Variants in PTPRN2 observed in about 807,000 individuals in gnomAD.
PTPRN2 encodes the protein receptor-type tyrosine-protein phosphatase N2.
Under a neutral mutation model 118.8 loss-of-function variants are expected in PTPRN2, and 74 were observed. The observed-to-expected ratio is 0.62, with a 90% CI of 0.52 to 0.76. The LOEUF (loss-of-function observed/expected upper bound fraction) is 0.76. Among genes scored for constraint, PTPRN2 ranks in the 30% least tolerant of loss-of-function variants. The probability of loss-of-function intolerance (pLI) is 0.00; values close to 1 mark genes in which losing one functional copy is unlikely to be tolerated. For missense variants in PTPRN2, 1,481 were observed against 1,394.4 expected (o/e 1.06, Z -0.99); for synonymous variants, 641 against 608.0 (o/e 1.05, Z -0.80).
chr7:158,406,869 C>G (rs13308587), intron 2 of PTPRN2, among the ~76,000 whole-genome samples: 148,356 of 152,336 alleles, frequency 0.97, 72,271 homozygotes, highest in East Asian at 1. Context: ...TCCAGGATCA[C>G]AGCAGGCACT....
chr7:158,576,056 T>A (rs576568493), intron 1 of PTPRN2, among the ~76,000 whole-genome samples: 60 of 152,272 alleles, frequency 3.9e-4, no homozygotes, highest in Admixed American at 3.5e-3. Context: ...GTTTGCAACA[T>A]CCCCATTCCA....
intron 1 of PTPRN2, among the ~76,000 whole-genome samples, chr7:158,585,948 G>T (rs1271763293): frequency 1.3e-5 from 2 of 152,196 alleles, no homozygotes; most frequent in African/African-American, 2.4e-5. Flanking sequence ...TGCACAGCTG[G>T]GCCTTCTTTC....
chr7:157,699,683 C>A (rs1797974343), intron 12 of PTPRN2, among the ~76,000 whole-genome samples: 1 of 152,200 alleles, frequency 6.6e-6, no homozygotes, highest in Non-Finnish European at 1.5e-5. Flanking sequence ...CCACCTTGAG[C>A]CTCCCAAAGT....
At chr7:157,798,616 C>A (rs1047846158) in intron 12 of PTPRN2, among the ~76,000 whole-genome samples, 5 of 152,194 alleles carry the variant, frequency 3.3e-5, no homozygotes, top group African/African-American at 1.2e-4. Context: ...AGGTTATTTT[C>A]TTCTCCTAAT....
At chr7:157,663,242 G>A (rs988412778) in intron 13 of PTPRN2, among the ~76,000 whole-genome samples, 5 of 152,128 alleles carry the variant, frequency 3.3e-5, no homozygotes, top group Non-Finnish European at 7.4e-5. Context: ...GGAGGTCACT[G>A]AGCAAGGGCT....
intron 3 of PTPRN2, among the ~76,000 whole-genome samples, chr7:158,251,642 CATGTG>C (rs1563040215): frequency 1.0e-5 from 1 of 97,058 alleles, no homozygotes; most frequent in Non-Finnish European, 2.0e-5. Context: ...CTATGGTGCA[CATGTG>C]GTGTGCACAG....
At chr7:158,424,306 G>A (rs555826167) in intron 2 of PTPRN2, among the ~76,000 whole-genome samples, 2 of 152,298 alleles carry the variant, frequency 1.3e-5, no homozygotes, top group African/African-American at 4.8e-5. Flanking sequence ...GCAAGGCGTC[G>A]TATCGATTCC....
At chr7:157,658,654 C>T (rs909908099) in intron 13 of PTPRN2, among the ~76,000 whole-genome samples, 4 of 152,216 alleles carry the variant, frequency 2.6e-5, no homozygotes, top group African/African-American at 9.6e-5. Context: ...GCCCCCCTGA[C>T]GTCTGACCAA....
intron 11 of PTPRN2, among the ~76,000 whole-genome samples, chr7:157,902,451 C>T (rs1299762179): frequency 1.4e-5 from 2 of 144,544 alleles, no homozygotes; most frequent in African/African-American, 5.2e-5. Flanking sequence ...GGACCAGCCC[C>T]GCGGTGGCCT....
chr7:158,380,114 C>T (rs1810854375), intron 2 of PTPRN2, among the ~76,000 whole-genome samples: 1 of 152,164 alleles, frequency 6.6e-6, no homozygotes, highest in Admixed American at 6.5e-5. Flanking sequence ...AGTGGGGACA[C>T]AGCCAAACCA....
intron 2 of PTPRN2, among the ~76,000 whole-genome samples, chr7:158,337,442 C>CCG (rs1805864586): frequency 1.4e-5 from 2 of 140,790 alleles, no homozygotes; most frequent in African/African-American, 2.7e-5. Context: ...GAGGTGACAC[C>CCG]CACAGACGTC....
At chr7:157,884,567 C>G (rs1002390105) in intron 12 of PTPRN2, among the ~76,000 whole-genome samples, 4 of 152,092 alleles carry the variant, frequency 2.6e-5, no homozygotes, top group Admixed American at 6.6e-5. Context: ...GGAGACTGGG[C>G]AATTTATGAA....
chr7:158,538,031 C>A (rs997425320), intron 1 of PTPRN2, among the ~76,000 whole-genome samples: 7 of 152,206 alleles, frequency 4.6e-5, no homozygotes, highest in African/African-American at 1.4e-4. Flanking sequence ...CTCATTTCTT[C>A]TAGATTTGGA....
intron 5 of PTPRN2, among the ~76,000 whole-genome samples, 187 bp from the exon 6 acceptor site, chr7:158,167,478 ACT>A (rs150570340): frequency 0.14 from 21,172 of 151,722 alleles, 1,890 homozygotes; most frequent in East Asian, 0.35. Context: ...CCAAAACAGG[ACT>A]CTCATTTTCA....
At position 157,974,042 on chromosome 7, in the gene PTPRN2, C is replaced by T. The variant is rs147585528; in HGVS notation, c.1724-75305G>A. On this transcript the variant is annotated intron_variant, in intron 11 of 22. Transcript: ENST00000389418. The surrounding 1 kb of genome is among the most constrained non-coding windows in gnomAD (Gnocchi z 4.0). ...AGATCTCTCTGACCACTGCTGTTGA[C>T]GTTGGCGGGGTAGCAGGTGTGGCCA... Among the ~76,000 whole-genome samples the T allele has an allele frequency of 2.5e-3, 378 of 152,328 alleles. 4 individuals carry two copies. Among genetic ancestry groups the T allele is most frequent in the African/African-American group, 8.4e-3 (350 of 41,572 alleles).
rs1212921675 is a variant in PTPRN2, at chr7:157,813,996, G to T, written c.1788+84677C>A. The stretch of plus-strand genomic sequence containing the variant: ...AGGAGTTTGCTCCTTAGAGTGAGGG[G>T]GATTGTTCTGCCCCAATGGCCTCTT... On this transcript the variant is annotated intron_variant, in intron 12 of 22. Transcript: ENST00000389418. The surrounding 1 kb of genome is among the most constrained non-coding windows in gnomAD (Gnocchi z 4.7). Among the ~76,000 whole-genome samples the T allele has an allele frequency of 1.3e-5, 2 of 152,224 alleles. No individual in the cohort carries two copies. Among genetic ancestry groups the T allele is most frequent in the Admixed American group, 1.3e-4 (2 of 15,290 alleles).
chr7:157,952,876 T>G (rs1800922230), intron 11 of PTPRN2, among the ~76,000 whole-genome samples: 1 of 152,126 alleles, frequency 6.6e-6, no homozygotes, highest in Admixed American at 6.5e-5. Flanking sequence ...TACAGCAGAC[T>G]TCATATCACA....
chr7:158,515,846 C>T (rs968783380), intron 1 of PTPRN2, among the ~76,000 whole-genome samples: 3 of 152,174 alleles, frequency 2.0e-5, no homozygotes, highest in African/African-American at 7.2e-5. Context: ...GTCGTCTCTC[C>T]ACAGCCATGG....
At chr7:158,193,216 C>G (rs895866116) in intron 4 of PTPRN2, among the ~76,000 whole-genome samples, 1 of 152,192 alleles carries the variant, frequency 6.6e-6, no homozygotes, top group Non-Finnish European at 1.5e-5. Context: ...GTAGGGCCAG[C>G]GAGGACAAGG....
Sources: allele counts gnomAD v4.1 joint callset (sites outside exome capture counted in the v4.1 genomes callset), GRCh38; gene constraint gnomAD v4.1.1; non-coding constraint Gnocchi (gnomAD v3.1); transcripts MANE v1.5; gene names NCBI Gene and HGNC (gene_info 2026-07-23, HGNC 2026-07-21).